TMEM232: variants seen among roughly 807,000 people sequenced by gnomAD.
The protein encoded by TMEM232 is transmembrane protein 232.
A neutral mutation model predicts 78.8 loss-of-function variants in TMEM232; 80 were observed. That is an observed-to-expected ratio of 1.01 (90% CI 0.85 to 1.22). The LOEUF is 1.22. TMEM232 is among the 50% of genes most tolerant of loss of function. The pLI is 0.00. For synonymous variants in TMEM232, 297 were observed against 254.3 expected, an observed-to-expected ratio of 1.17 and a Z score of -1.60; for missense variants, 881 against 742.2, an observed-to-expected ratio of 1.19 and a Z score of -2.17.
At chr5:110,462,191 G>T (rs1001202307) in intron 12 of TMEM232, among the ~76,000 whole-genome samples, 1 of 152,166 alleles carries the variant, frequency 6.6e-6, no homozygotes, top group Non-Finnish European at 1.5e-5. Context: ...ATGATTTATG[G>T]GAGGAGGTCA....
intron 12 of TMEM232, among the ~76,000 whole-genome samples, chr5:110,524,808 A>G (rs1200679069): frequency 6.6e-6 from 1 of 152,082 alleles, no homozygotes; most frequent in Non-Finnish European, 1.5e-5. Flanking sequence ...ATTGATTTAT[A>G]TATTTAGATG....
intron 2 of TMEM232, among the ~76,000 whole-genome samples, chr5:110,401,497 T>C (rs73782459): frequency 0.031 from 4,676 of 152,160 alleles, 266 homozygotes; most frequent in African/African-American, 0.11. Context: ...CTAACTTATC[T>C]TCCATCACTT....
intron 2 of TMEM232, among the ~76,000 whole-genome samples, chr5:110,400,018 A>C (rs564332496): frequency 6.6e-6 from 1 of 152,276 alleles, no homozygotes; most frequent in Non-Finnish European, 1.5e-5. Flanking sequence ...CTTGCTCTTA[A>C]GTTCCTGGCA....
chr5:110,551,118 CT>C (rs1774403959), intron 11 of TMEM232, among the ~76,000 whole-genome samples: 1 of 152,094 alleles, frequency 6.6e-6, no homozygotes, highest in Admixed American at 6.6e-5. Context: ...TTGCCAGCCC[CT>C]AATCTAGAAT....
At chr5:110,666,658 G>T (rs1429621433) in intron 2 of TMEM232, 3 of 151,816 alleles carry the variant, frequency 2.0e-5, no homozygotes, top group Non-Finnish European at 4.4e-5. Context: ...GATATATTTT[G>T]AATTTTATTT....
intron 10 of TMEM232, among the ~76,000 whole-genome samples, chr5:110,594,285 A>AT (rs1779886634): frequency 6.6e-6 from 1 of 151,720 alleles, no homozygotes; most frequent in South Asian, 2.1e-4. Flanking sequence ...CAGATACTAC[A>AT]TTTTTCCCAT....
At chr5:110,552,054 GAAT>G (rs1479115913) in intron 11 of TMEM232, among the ~76,000 whole-genome samples, 3 of 151,822 alleles carry the variant, frequency 2.0e-5, no homozygotes, top group Admixed American at 2.0e-4. Flanking sequence ...AAGAAATGAA[GAAT>G]AAGATAATAA....
intron 7 of TMEM232, among the ~76,000 whole-genome samples, chr5:110,624,532 T>C (rs1381815819): frequency 1.3e-5 from 2 of 152,138 alleles, no homozygotes; most frequent in Admixed American, 6.6e-5. Flanking sequence ...TCATTATCTA[T>C]TTACTGCTAA....
chr5:110,435,915 A>C (rs1462168460), intron 12 of TMEM232, among the ~76,000 whole-genome samples: 2 of 152,038 alleles, frequency 1.3e-5, no homozygotes, highest in African/African-American at 4.8e-5. Context: ...TGCTGCAACA[A>C]ATATTGGAGT....
intron 2 of TMEM232, among the ~76,000 whole-genome samples, chr5:110,643,640 GAAT>G (rs899559753): frequency 2.0e-5 from 3 of 152,064 alleles, no homozygotes; most frequent in African/African-American, 7.2e-5. Flanking sequence ...CTATTGGAAA[GAAT>G]AATCTGAAAA....
intron 10 of TMEM232, among the ~76,000 whole-genome samples, chr5:110,576,277 A>C (rs1777564367): frequency 6.6e-6 from 1 of 152,080 alleles, no homozygotes; most frequent in Non-Finnish European, 1.5e-5. Flanking sequence ...ATGAACTCCC[A>C]TTCACAAGTG....
At chr5:110,520,060 G>GAA in intron 12 of TMEM232, among the ~76,000 whole-genome samples, 1 of 150,834 alleles carries the variant, frequency 6.6e-6, no homozygotes, top group South Asian at 2.1e-4. Context: ...TAGAGAGAGA[G>GAA]AGAGAGAGGA....
chr5:110,724,974 A>T (rs1001264836), intron 1 of TMEM232, among the ~76,000 whole-genome samples: 6 of 152,202 alleles, frequency 3.9e-5, no homozygotes, highest in African/African-American at 1.4e-4. Context: ...TAATAGGAAT[A>T]AAATAATTTA....
chr5:110,431,457 T>C (rs1331938172), intron 12 of TMEM232, among the ~76,000 whole-genome samples: 1 of 151,688 alleles, frequency 6.6e-6, no homozygotes, highest in Non-Finnish European at 1.5e-5. Flanking sequence ...TCAAGATGCA[T>C]AGCAGAAGAA....
rs538002916 is a variant in TMEM232, at chr5:110,586,296, C to A, written c.1277-17671G>T. Among the ~76,000 whole-genome samples, 8 of 151,936 alleles carry A rather than the reference C, an allele frequency of 5.3e-5. No individual in the cohort carries two copies. In the South Asian group the frequency reaches 1.5e-3, roughly 28 times the overall value. ...TTCTGTATAAATTTTCCAATCATAT[C>A]TTTTACAATTTGTGATTTTTCTGTT... On this transcript the variant is annotated intron_variant, in intron 10 of 13. Transcript: ENST00000455884.
At chr5:110,490,161 G>GA (rs1282925066) in intron 12 of TMEM232, among the ~76,000 whole-genome samples, 1 of 140,344 alleles carries the variant, frequency 7.1e-6, no homozygotes, top group Admixed American at 6.9e-5. Context: ...AAGAAAGAAA[G>GA]AAAGAAAGAA....
intron 13 of TMEM232, among the ~76,000 whole-genome samples, chr5:110,424,326 T>C (rs1049064400): frequency 6.6e-5 from 10 of 152,202 alleles, no homozygotes; most frequent in Admixed American, 2.0e-4. Context: ...AAATGATGTG[T>C]ATTTGGTTAA....
intron 12 of TMEM232, among the ~76,000 whole-genome samples, chr5:110,458,701 T>C (rs1016546119): frequency 6.6e-6 from 1 of 152,244 alleles, no homozygotes; most frequent in African/African-American, 2.4e-5. Flanking sequence ...TATATATGGA[T>C]GTACTTTTAT....
chr5:110,630,421 A>C (rs1254804737), intron 5 of TMEM232, among the ~76,000 whole-genome samples: 2 of 152,176 alleles, frequency 1.3e-5, no homozygotes, highest in Non-Finnish European at 2.9e-5. Flanking sequence ...CTGTGTTCCC[A>C]CCCAAACCTC....
Sources: allele counts gnomAD v4.1 joint callset (sites outside exome capture counted in the v4.1 genomes callset), GRCh38; gene constraint gnomAD v4.1.1; transcripts MANE v1.5; gene names NCBI Gene and HGNC (gene_info 2026-07-23, HGNC 2026-07-21).